ATP12A: variants seen among roughly 807,000 people sequenced by gnomAD.
ATP12A encodes ATPase H+/K+ transporting non-gastric alpha2 subunit.
Under a neutral mutation model 111.2 loss-of-function variants are expected in ATP12A, and 81 were observed. The observed-to-expected ratio is 0.73, with a 90% CI of 0.61 to 0.88. The LOEUF (loss-of-function observed/expected upper bound fraction) is 0.88. ATP12A is among the 40% of genes least tolerant of loss of function. The pLI is 0.00. For missense variants in ATP12A, 1,196 were observed against 1,313.1 expected (o/e 0.91, Z 1.38); for synonymous variants, 498 against 499.8 (o/e 1.00, Z 0.05).
Position 24,707,136 on chromosome 13 carries a change from C to G in ATP12A, c.2283C>G (p.Ala761=). ...GTTCTGATGCAGCCAAAAATGCAGCCGACATGGTCTTGCTGGACGACAACT... is the reference window on the plus strand; with the variant it reads ...GTTCTGATGCAGCCAAAAATGCAGCGGACATGGTCTTGCTGGACGACAACT... The part of the protein sequence containing the change: ...IAGSDAAKNA[A]DMVLLDDNFA... The change falls in exon 16 of 23, where the codon GCC becomes GCG. Residue 761 remains alanine, a synonymous_variant. Transcript: ENST00000381946. 5 of 1,614,040 alleles carry G rather than the reference C, an allele frequency of 3.1e-6. No individual in the cohort carries two copies. Among genetic ancestry groups the G allele is most frequent in the Non-Finnish European group, 4.2e-6 (5 of 1,180,002 alleles).
In ATP12A at chr13:24,708,868, A is replaced by AAGAGAAAGAG. The variant is rs1425878658; in HGVS notation, c.2494-484_2494-475dup. ...AGAAAGAGAGAGAGGGAAAGAGAGAAAGAGAAAGAGAGAGAAAGAGAAAGA... is the reference window on the plus strand; with the variant it reads ...AGAAAGAGAGAGAGGGAAAGAGAGAAAGAGAAAGAGAGAGAAAGAGAGAGAAAGAGAAAGA... On this transcript the variant is annotated intron_variant, in intron 17 of 22. Coordinates refer to ENST00000381946, the MANE Select transcript of ATP12A (RefSeq NM_001676.7). Among the ~76,000 whole-genome samples, 124 of 128,246 alleles carry AAGAGAAAGAG rather than the reference A, an allele frequency of 9.7e-4. 1 individual carries two copies. The highest frequency in any genetic ancestry group is 3.3e-3 in the African/African-American group (124 of 37,810). 84.1% of individuals were successfully genotyped at this position (128,246 alleles called of 152,430 possible). A position where few individuals can be genotyped will look rare whatever the true frequency, so the allele number is the denominator to read the frequency against.
At position 24,681,739 on chromosome 13, in the gene ATP12A, C is replaced by T. The variant is rs771098851; in HGVS notation, c.168+19C>T. 2 of 1,613,844 alleles carry T rather than the reference C, an allele frequency of 1.2e-6. No homozygotes were observed. Among genetic ancestry groups the T allele is most frequent in the Non-Finnish European group, 1.7e-6 (2 of 1,179,910 alleles). On this transcript the variant is annotated intron_variant, in intron 2 of 22. Coordinates refer to ENST00000381946, the MANE Select transcript of ATP12A (RefSeq NM_001676.7). The stretch of plus-strand genomic sequence containing the variant: ...CCATCTGGTCAGTAGCCTTAAGCCA[C>T]GGGGTCCTGCCGGCTATGGCCCTTC...
At chr13:24,695,849 T>C (rs1219480197) in intron 11 of ATP12A, among the ~76,000 whole-genome samples, 5 of 152,124 alleles carry the variant, frequency 3.3e-5, no homozygotes, top group Admixed American at 2.6e-4. Flanking sequence ...CCTCCGGTGA[T>C]CTATCCGCCT....
intron 1 of ATP12A, among the ~76,000 whole-genome samples, chr13:24,680,976 C>A (rs561829688): frequency 6.6e-6 from 1 of 152,334 alleles, no homozygotes; most frequent in East Asian, 1.9e-4. Flanking sequence ...GGGAAAGAAG[C>A]CAGTCCAGAG....
intron 5 of ATP12A, 57 bp from the exon 6 acceptor site, chr13:24,690,281 G>C (rs1874823146): frequency 3.8e-6 from 6 of 1,597,344 alleles, no homozygotes; most frequent in Middle Eastern, 3.8e-4. Context: ...CACAGACTTG[G>C]GGGAGGGCCG....
At chr13:24,686,745 A>AGAAGGAAAGAAAGAAAGAAGGAAG (rs1179366367) in intron 3 of ATP12A, among the ~76,000 whole-genome samples, 2 of 148,650 alleles carry the variant, frequency 1.3e-5, no homozygotes, top group African/African-American at 2.5e-5. Context: ...TCGAAAGAAA[A>AGAAGGAAAGAAAGAAAGAAGGAAG]GAAGGAAAGA....
At chr13:24,702,242 G>A (rs1875428722) in intron 14 of ATP12A, among the ~76,000 whole-genome samples, 171 bp downstream of exon 14, 1 of 152,230 alleles carries the variant, frequency 6.6e-6, no homozygotes, top group South Asian at 2.1e-4. Context: ...TCACTGAGCA[G>A]CTAATATGTG....
At position 24,688,389 on chromosome 13, in the gene ATP12A, A is replaced by C; in HGVS notation, c.299A>C (p.Gln100Pro). Residue 100 changes from glutamine to proline, a missense_variant, in exon 4 of 23, where the codon CAG becomes CCG. Physicochemically the swap from Gln to Pro is moderately conservative, Grantham distance 76. This residue lies in a region of ATP12A where 1,126 missense variants were observed against 1,228.5 expected (regional missense o/e 0.92). Transcript: ENST00000381946. ...DGPNSLTPPK[Q>P]TPEIVKFLKQ... The stretch of plus-strand genomic sequence containing the variant: ...CCCAACTCCCTCACCCCTCCCAAGC[A>C]GACGCCTGAGATCGTCAAGTTCCTC... 6.2e-7 allele frequency: 1 copy of C among 1,614,160 alleles called. No homozygotes were observed. Among genetic ancestry groups the C allele is most frequent in the Non-Finnish European group, 8.5e-7 (1 of 1,180,034 alleles).
Position 24,710,857 on chromosome 13 carries a change from T to A in ATP12A, c.2963T>A (p.Leu988His). 6.2e-7 allele frequency: 1 copy of A among 1,614,226 alleles called. No homozygotes were observed. Among genetic ancestry groups the A allele is most frequent in the Non-Finnish European group, 8.5e-7 (1 of 1,180,046 alleles). Reference protein sequence around the residue: ...IIIGLILSYGLGSVTALSFTM... With the variant: ...IIIGLILSYGHGSVTALSFTM... ...ATTGGTCTGATCCTCTCCTATGGCC[T>A]CGGAAGTGTCACAGCCTTGAGTTTC... is the stretch of plus-strand genomic sequence containing the variant. Residue 988 changes from leucine to histidine, a missense_variant, in exon 21 of 23, where the codon CTC (leucine) becomes CAC (histidine). Around this residue, in one of 3 missense-constraint regions of ATP12A, gnomAD observed 1,126 missense variants for 1,228.5 expected, o/e 0.92. Transcript: ENST00000381946.
intron 5 of ATP12A, 126 bp downstream of exon 5, chr13:24,689,501 C>G: frequency 2.6e-6 from 2 of 763,638 alleles, no homozygotes; most frequent in Non-Finnish European, 4.3e-6. Context: ...CAATCGTGGG[C>G]GAATTAACCC....
intron 21 of ATP12A, 102 bp from the exon 22 acceptor site, chr13:24,711,216 A>C (rs1278067942): frequency 1.4e-5 from 16 of 1,122,186 alleles, no homozygotes; most frequent in Non-Finnish European, 1.7e-5. Flanking sequence ...CGTTCTTTGC[A>C]GTAAAGCAAG....
chr13:24,706,403 T>TC lies in ATP12A; in HGVS notation c.2109_2110insC (p.Val704ArgfsTer32). On this transcript the variant is annotated frameshift_variant, in exon 15 of 23. Coordinates refer to ENST00000381946, the MANE Select transcript of ATP12A (RefSeq NM_001676.7). LOFTEE classifies it high-confidence loss of function. ...AGATCTTAGCCAACTACCAGGAGAT[T>TC]GTCTTTGCCCGGACATCCCCCCAGC... 6.2e-7 allele frequency: 1 copy of TC among 1,614,204 alleles called. No individual in the cohort carries two copies. Among genetic ancestry groups the TC allele is most frequent in the African/African-American group, 1.3e-5 (1 of 75,050 alleles).
At chr13:24,688,946 C>T (rs942744156) in intron 4 of ATP12A, among the ~76,000 whole-genome samples, 3 of 152,180 alleles carry the variant, frequency 2.0e-5, no homozygotes, top group Non-Finnish European at 4.4e-5. Flanking sequence ...AGAACAGGCA[C>T]ATCCTTGGAA....
intron 5 of ATP12A, 141 bp from the exon 6 acceptor site, chr13:24,690,197 C>T (rs1874819420): frequency 4.6e-6 from 6 of 1,310,104 alleles, no homozygotes; most frequent in Non-Finnish European, 6.3e-6. Context: ...CAGGTGCAGG[C>T]TGCATAACAG....
chr13:24,710,666 C>G, intron 20 of ATP12A, 73 bp downstream of exon 20: 2 of 1,608,842 alleles, frequency 1.2e-6, no homozygotes, highest in Non-Finnish European at 1.7e-6. Context: ...TTGTTTTTCA[C>G]AAGACAGAGT....
Position 24,700,730 on chromosome 13 carries a change from A to T in ATP12A, c.1706-17A>T. On this transcript the variant is annotated splice_polypyrimidine_tract_variant and intron_variant, in intron 12 of 22. Coordinates refer to ENST00000381946, the MANE Select transcript of ATP12A (RefSeq NM_001676.7). The stretch of plus-strand genomic sequence containing the variant: ...CTATTCTAGTTTCACTGACTCACTA[A>T]TTCATCTGTATTACAGGTTTCTGTC... 1 of 1,601,240 alleles carries T rather than the reference A, an allele frequency of 6.2e-7. No homozygotes were observed. Among genetic ancestry groups the T allele is most frequent in the South Asian group, 1.1e-5 (1 of 89,842 alleles).
rs191179077 is a variant in ATP12A, at chr13:24,692,409, G to A, written c.1069-20G>A. ...TTCAAATGAGGATTTTTCCCAAAGCGTCCTTCCCTCTCCTGCTAGGTGACC... is the reference window on the plus strand; with the variant it reads ...TTCAAATGAGGATTTTTCCCAAAGCATCCTTCCCTCTCCTGCTAGGTGACC... On this transcript the variant is annotated intron_variant, in intron 8 of 22. Coordinates refer to ENST00000381946, the MANE Select transcript of ATP12A (RefSeq NM_001676.7). 3.9e-5 allele frequency: 63 copies of A among 1,610,990 alleles called. No individual in the cohort carries two copies. The highest frequency in any genetic ancestry group is 3.2e-4 in the African/African-American group (24 of 74,908).
Position 24,688,300 on chromosome 13 carries a change from CTTTG to C in ATP12A, c.229-14_229-11del, listed in dbSNP as rs753959529. The C allele has an allele frequency of 3.1e-6, 5 of 1,599,004 alleles. No individual in the cohort carries two copies. The highest frequency in any genetic ancestry group is 1.3e-5 in the African/African-American group (1 of 74,508). On this transcript the variant is annotated splice_polypyrimidine_tract_variant and intron_variant, in intron 3 of 22. Coordinates refer to ENST00000381946, the MANE Select transcript of ATP12A (RefSeq NM_001676.7). ...CGTATTTGTTTTGGTTGTGCATGTGCTTTGTTTGGCTTTCCCAGGGTCTCTCCAG... is the reference window on the plus strand; with the variant it reads ...CGTATTTGTTTTGGTTGTGCATGTGCTTTGGCTTTCCCAGGGTCTCTCCAG...
intron 17 of ATP12A, 24 bp from the exon 18 acceptor site, chr13:24,709,340 C>T (rs1292824917): frequency 1.4e-6 from 2 of 1,395,368 alleles, no homozygotes; most frequent in Admixed American, 3.9e-5. Flanking sequence ...TGGGGTTAGA[C>T]CTCACCAGCC....
Sources: allele counts gnomAD v4.1 joint callset (sites outside exome capture counted in the v4.1 genomes callset), GRCh38; gene constraint gnomAD v4.1.1; regional missense constraint gnomAD v4.1.1; transcripts MANE v1.5; gene names NCBI Gene and HGNC (gene_info 2026-07-23, HGNC 2026-07-21).